ATP10A: variants seen among roughly 807,000 people sequenced by gnomAD.
ATP10A encodes ATPase phospholipid transporting 10A (putative), also known as phospholipid-transporting ATPase VA.
In ATP10A, 111 loss-of-function variants were observed where a neutral mutation model predicts 147.8. The observed-to-expected ratio is 0.75, with a 90% CI of 0.64 to 0.88. The LOEUF (loss-of-function observed/expected upper bound fraction) is 0.88. Ranked by LOEUF, ATP10A falls within the 40% of genes least tolerant of loss-of-function variation. The probability of loss-of-function intolerance (pLI) is 0.00; values close to 1 mark genes in which losing one functional copy is unlikely to be tolerated. For missense variants in ATP10A, 1,927 were observed against 1,959.0 expected, an observed-to-expected ratio of 0.98 and a Z score of 0.31; for synonymous variants, 875 against 841.6, an observed-to-expected ratio of 1.04 and a Z score of -0.69.
chr15:25,716,857 A>T lies in ATP10A; in HGVS notation c.1649T>A (p.Val550Glu). The change falls in exon 9 of 21, where the codon GTG (valine) becomes GAG (glutamate). Residue 550 changes from valine to glutamate, a missense_variant. Physicochemically the swap from Val to Glu is moderately radical, Grantham distance 121. Coordinates refer to ENST00000555815, the MANE Select transcript of ATP10A (RefSeq NM_024490.4). ...KVSECDKSLA[V>E]ARHQEHLLAH... ...CAGCAGGTGCTCCTGATGCCTCGCC[A>T]CGGCTAGGCTCTTGTCACACTCACT... is the stretch of plus-strand genomic sequence containing the variant. 1 of 1,610,474 alleles carries T rather than the reference A, an allele frequency of 6.2e-7. No homozygotes were observed. Among genetic ancestry groups the T allele is most frequent in the Non-Finnish European group, 8.5e-7 (1 of 1,178,480 alleles).
intron 2 of ATP10A, among the ~76,000 whole-genome samples, chr15:25,756,702 T>C (rs1888434542): frequency 6.6e-6 from 1 of 152,194 alleles, no homozygotes; most frequent in Non-Finnish European, 1.5e-5. Flanking sequence ...AAACATTCTA[T>C]CTGAAAGAAA....
rs576167187 is a variant in ATP10A at position 25,722,289 on chromosome 15, C to T, written c.1111-380G>A. Among the ~76,000 whole-genome samples the T allele has an allele frequency of 3.3e-5, 5 of 152,284 alleles. No individual in the cohort carries two copies. The South Asian group carries it at 8.3e-4, about 25-fold the overall frequency. On this transcript the variant is annotated intron_variant, in intron 6 of 20. Transcript: ENST00000555815. ...AGCAAGGTCACCTCACACCACACTC[C>T]ATGGTGGCATTCGACCCCCAGGCTT...
At chr15:25,805,626 A>G (rs1373367965) in intron 1 of ATP10A, among the ~76,000 whole-genome samples, 3 of 152,182 alleles carry the variant, frequency 2.0e-5, no homozygotes, top group African/African-American at 7.2e-5. Flanking sequence ...GGGCCCTCAG[A>G]TTGGAGGGGT....
chr15:25,771,941 G>A (rs926965921), intron 2 of ATP10A, among the ~76,000 whole-genome samples: 8 of 151,790 alleles, frequency 5.3e-5, no homozygotes, highest in Admixed American at 5.3e-4. Flanking sequence ...TAGTAGAGAC[G>A]GGGTTTCACC....
At chr15:25,826,879 T>A (rs1446352532) in intron 1 of ATP10A, among the ~76,000 whole-genome samples, 1 of 152,148 alleles carries the variant, frequency 6.6e-6, no homozygotes, top group Non-Finnish European at 1.5e-5. Context: ...TATCTGCACA[T>A]GTAAGAAGCT....
chr15:25,831,458 A>C (rs1192913369), intron 1 of ATP10A, among the ~76,000 whole-genome samples: 2 of 152,226 alleles, frequency 1.3e-5, no homozygotes, highest in Non-Finnish European at 2.9e-5. Flanking sequence ...ATACATGTTC[A>C]GTGTGTCGAG....
In ATP10A at chr15:25,863,104, T is replaced by A; in HGVS notation, c.-8A>T. On this transcript the variant is annotated 5_prime_UTR_variant, in exon 1 of 21. Transcript: ENST00000555815. ...CGCCGGCTCCCGCTCCATGGCCGCG[T>A]GTCGCCGCGCCCGGCTCCTCCGCCG... The A allele has an allele frequency of 8.5e-7, 1 of 1,174,562 alleles. No homozygotes were observed. The highest frequency in any genetic ancestry group is 1.0e-6 in the Non-Finnish European group (1 of 952,714). The allele number at this position is 1,174,562 out of a possible 1,614,324, so 72.8% of individuals were successfully genotyped here.
intron 1 of ATP10A, among the ~76,000 whole-genome samples, chr15:25,830,037 C>A (rs1892287427): frequency 6.6e-6 from 1 of 152,100 alleles, no homozygotes. Flanking sequence ...AGGCCTCGGT[C>A]ACCATCTGGA....
Position 25,720,546 on chromosome 15 carries a change from T to G in ATP10A, c.1363+1111A>C, listed in dbSNP as rs115104430. Among the ~76,000 whole-genome samples, 713 of 152,002 alleles carry G rather than the reference T, an allele frequency of 4.7e-3. 6 individuals carry two copies. The highest frequency in any genetic ancestry group is 0.016 in the African/African-American group (680 of 41,396). On this transcript the variant is annotated intron_variant, in intron 7 of 20. Coordinates refer to ENST00000555815, the MANE Select transcript of ATP10A (RefSeq NM_024490.4). ...ACAATGCACTGTGCTGTACCAGGTT[T>G]AGCAACTATGGGAGGGGAAGGGGAG...
chr15:25,830,339 T>C (rs921579858), intron 1 of ATP10A, among the ~76,000 whole-genome samples: 3 of 152,186 alleles, frequency 2.0e-5, no homozygotes, highest in Non-Finnish European at 4.4e-5. Context: ...GGGGTGGAAG[T>C]GTCCCTCTAT....
In ATP10A at chr15:25,679,650, CG is replaced by C; in HGVS notation, c.4190del (p.Ala1397GlyfsTer7). On this transcript the variant is annotated frameshift_variant, in exon 21 of 21. Coordinates refer to ENST00000555815, the MANE Select transcript of ATP10A (RefSeq NM_024490.4). LOFTEE classifies it high-confidence loss of function. The part of the protein sequence containing the change: ...GLSAPAPMSS[A>X]PGEAVLRSPG... ...GACTCCTCAGGACAGCCTCCCCTGGCGCAGAGGACATGGGGGCCGGTGCGCT... is the reference window on the plus strand; with the variant it reads ...GACTCCTCAGGACAGCCTCCCCTGGCCAGAGGACATGGGGGCCGGTGCGCT... 1.2e-6 allele frequency: 2 copies of C among 1,613,302 alleles called. No individual in the cohort carries two copies. The highest frequency in any genetic ancestry group is 1.7e-6 in the Non-Finnish European group (2 of 1,179,984).
At chr15:25,847,753 C>T (rs999897607) in intron 1 of ATP10A, among the ~76,000 whole-genome samples, 11 of 150,874 alleles carry the variant, frequency 7.3e-5, no homozygotes, top group African/African-American at 2.2e-4. Flanking sequence ...ATCTCAGCCC[C>T]GCAAGCAGCT....
chr15:25,741,322 G>C (rs894168872), intron 2 of ATP10A, among the ~76,000 whole-genome samples: 41 of 152,230 alleles, frequency 2.7e-4, no homozygotes, highest in African/African-American at 9.4e-4. Flanking sequence ...CTGGGCTCTT[G>C]GGGACCTAGA....
rs59037981 is a variant in ATP10A, at chr15:25,721,543, CGTGTGTGTGT to C, written c.1363+104_1363+113del. The C allele has an allele frequency of 3.7e-3, 2,778 of 748,862 alleles. 1 individual carries two copies. The highest frequency in any genetic ancestry group is 0.013 in the South Asian group (677 of 52,710). 46.4% of individuals were successfully genotyped at this position (748,862 alleles called of 1,614,324 possible). ...CCTTGAAAATCAGTAATCCCTGAAG[CGTGTGTGTGT>C]GTGTGTGTGTGTGTGTGTGTGTGTG... is the stretch of plus-strand genomic sequence containing the variant. On this transcript the variant is annotated intron_variant, in intron 7 of 20. Coordinates refer to ENST00000555815, the MANE Select transcript of ATP10A (RefSeq NM_024490.4).
At chr15:25,864,633 TC>T (rs1893911883), upstream of ATP10A, among the ~76,000 whole-genome samples, 1 of 151,868 alleles carries the variant, frequency 6.6e-6, no homozygotes, top group African/African-American at 2.4e-5. Flanking sequence ...AATAATCCCA[TC>T]CCCCAGTCAC....
At chr15:25,705,454 C>CAAAAAAAAAAA (rs367718474) in intron 12 of ATP10A, among the ~76,000 whole-genome samples, 4 of 81,996 alleles carry the variant, frequency 4.9e-5, no homozygotes, top group East Asian at 3.1e-4. Context: ...AAAAAAAAAA[C>CAAAAAAAAAAA]AAAAAAAAAA....
chr15:25,850,617 C>T (rs1227796378), intron 1 of ATP10A, among the ~76,000 whole-genome samples: 2 of 150,932 alleles, frequency 1.3e-5, no homozygotes, highest in African/African-American at 4.9e-5. Flanking sequence ...GCGGACCCAG[C>T]GCTGCTCCAT....
chr15:25,698,601 C>G (rs1171704041), intron 13 of ATP10A, among the ~76,000 whole-genome samples: 1 of 152,092 alleles, frequency 6.6e-6, no homozygotes, highest in Non-Finnish European at 1.5e-5. Context: ...TTTTTGACTA[C>G]ATGGAGGGAT....
At chr15:25,801,988 G>A (rs1386669803) in intron 1 of ATP10A, among the ~76,000 whole-genome samples, 1 of 152,170 alleles carries the variant, frequency 6.6e-6, no homozygotes, top group Admixed American at 6.5e-5. Flanking sequence ...TTAACGCGGA[G>A]AACACGAGAT....
Sources: allele counts gnomAD v4.1 joint callset (sites outside exome capture counted in the v4.1 genomes callset), GRCh38; gene constraint gnomAD v4.1.1; transcripts MANE v1.5; gene names NCBI Gene and HGNC (gene_info 2026-07-23, HGNC 2026-07-21).